NCALD: variants seen among roughly 807,000 people sequenced by gnomAD.
The protein encoded by NCALD is neurocalcin delta.
Under a neutral mutation model 18.6 loss-of-function variants are expected in NCALD, and 10 were observed. The ratio of observed to expected loss-of-function variants is 0.54; its 90% confidence interval spans 0.33 to 0.91. The LOEUF is 0.91. Ranked by LOEUF, NCALD falls within the 40% of genes least tolerant of loss-of-function variation. NCALD has a pLI of 0.03. For synonymous variants in NCALD, 88 were observed against 87.4 expected (o/e 1.01, Z -0.04); for missense variants, 184 against 247.6 (o/e 0.74, Z 1.72).
intron 4 of NCALD, among the ~76,000 whole-genome samples, chr8:101,811,237 A>G (rs1330831694): frequency 6.6e-6 from 1 of 152,204 alleles, no homozygotes; most frequent in African/African-American, 2.4e-5. Context: ...AGTGAACCCA[A>G]TGTAATCACA....
chr8:101,936,894 G>C (rs1355047359), intron 2 of NCALD, among the ~76,000 whole-genome samples: 2 of 152,012 alleles, frequency 1.3e-5, no homozygotes, highest in African/African-American at 4.8e-5. Context: ...TATCCTATCT[G>C]GGAAACTGAG....
At chr8:101,739,118 C>T (rs1398304320) in intron 1 of NCALD, among the ~76,000 whole-genome samples, 4 of 152,180 alleles carry the variant, frequency 2.6e-5, no homozygotes, top group East Asian at 1.9e-4. Context: ...CATATCTTCA[C>T]GGCTTGAATA....
chr8:101,770,544 A>C lies in NCALD; in HGVS notation c.-20+20318T>G, dbSNP rs181569179. ...ACTCCTGGGGGGGCTTCCTGCAAAGAAGAAGCAGGCTGGCAAGTAGTTGCT... is the reference window on the plus strand; with the variant it reads ...ACTCCTGGGGGGGCTTCCTGCAAAGCAGAAGCAGGCTGGCAAGTAGTTGCT... On this transcript the variant is annotated intron_variant, in intron 1 of 3. Transcript: ENST00000220931. Among the ~76,000 whole-genome samples, 122 of 152,336 alleles carry C rather than the reference A, an allele frequency of 8.0e-4. 2 individuals carry two copies. In the South Asian group the frequency reaches 9.1e-3, roughly 11 times the overall value.
chr8:102,011,818 T>A (rs1272391414), intron 2 of NCALD, among the ~76,000 whole-genome samples: 3 of 152,214 alleles, frequency 2.0e-5, no homozygotes, highest in African/African-American at 7.2e-5. Flanking sequence ...TTTAAGATCA[T>A]CCTTCCTGTT....
At chr8:101,945,494 T>A (rs1367212196) in intron 2 of NCALD, among the ~76,000 whole-genome samples, 1 of 152,204 alleles carries the variant, frequency 6.6e-6, no homozygotes, top group African/African-American at 2.4e-5. Context: ...TAGAACTTCA[T>A]CTCTATTTAA....
chr8:101,990,105 C>T (rs1436824209), intron 2 of NCALD, among the ~76,000 whole-genome samples: 1 of 152,156 alleles, frequency 6.6e-6, no homozygotes, highest in African/African-American at 2.4e-5. Flanking sequence ...AAAGGAGAAA[C>T]ATAACATCTT....
At chr8:102,115,563 C>T (rs1825758425) in intron 1 of NCALD, among the ~76,000 whole-genome samples, 1 of 152,182 alleles carries the variant, frequency 6.6e-6, no homozygotes, top group Non-Finnish European at 1.5e-5. Context: ...CAGGCCATTG[C>T]CAAAGCTACT....
intron 1 of NCALD, among the ~76,000 whole-genome samples, chr8:102,054,722 C>G (rs200257408): frequency 2.3e-5 from 2 of 88,588 alleles, no homozygotes; most frequent in African/African-American, 7.3e-5. Flanking sequence ...AGATAGATAT[C>G]CTATAGATAG....
chr8:101,922,043 A>C lies in NCALD; in HGVS notation c.-156-6185T>G, dbSNP rs1818184475. 2.0e-5 allele frequency among the ~76,000 whole-genome samples: 3 copies of C among 152,030 alleles called. No homozygotes were observed. In the South Asian group the frequency reaches 6.2e-4, roughly 32 times the overall value. Reference sequence around the variant, plus strand: ...ACTGTAACCTCCACCTCTGGGGTTCAAGCAATTCTCCTGCCTCAGCCTCTA... The same window carrying C: ...ACTGTAACCTCCACCTCTGGGGTTCCAGCAATTCTCCTGCCTCAGCCTCTA... On this transcript the variant is annotated intron_variant, in intron 2 of 6. Coordinates refer to the NCALD transcript ENST00000311028.
chr8:101,989,347 G>A (rs1820955471), intron 2 of NCALD, among the ~76,000 whole-genome samples: 1 of 152,084 alleles, frequency 6.6e-6, no homozygotes. Flanking sequence ...CCACAAAATT[G>A]TTTCTCACCC....
intron 2 of NCALD, among the ~76,000 whole-genome samples, chr8:101,707,427 C>T (rs1815579807): frequency 6.6e-6 from 1 of 152,180 alleles, no homozygotes; most frequent in Admixed American, 6.5e-5. Flanking sequence ...TGGCTACCCC[C>T]ATCCCCATAG....
chr8:101,930,372 A>G (rs1818528527), intron 2 of NCALD, among the ~76,000 whole-genome samples: 1 of 152,062 alleles, frequency 6.6e-6, no homozygotes, highest in African/African-American at 2.4e-5. Flanking sequence ...AATGCTACAG[A>G]GGGTAAGGGT....
intron 3 of NCALD, chr8:101,690,627 C>T: frequency 2.0e-6 from 2 of 985,438 alleles, no homozygotes; most frequent in Non-Finnish European, 2.4e-6. Flanking sequence ...CAACTCCCTC[C>T]CCGCCAGAAC....
chr8:101,718,908 T>G (rs1816215826), intron 2 of NCALD, among the ~76,000 whole-genome samples: 1 of 152,254 alleles, frequency 6.6e-6, no homozygotes, highest in Admixed American at 6.5e-5. Flanking sequence ...TTCATCTGTA[T>G]GGTAAAACCT....
At chr8:101,705,224 A>AAAATAAATAAATAAAT (rs548716899) in intron 2 of NCALD, among the ~76,000 whole-genome samples, 4 of 151,550 alleles carry the variant, frequency 2.6e-5, no homozygotes, top group East Asian at 1.9e-4. Context: ...ACTTCATCTC[A>AAAATAAATAAATAAAT]AAATAAATAA....
chr8:102,066,641 G>T (rs184103551), intron 1 of NCALD, among the ~76,000 whole-genome samples: 1 of 152,202 alleles, frequency 6.6e-6, no homozygotes, highest in African/African-American at 2.4e-5. Flanking sequence ...GGGAAAACCC[G>T]CAGCAAGGCA....
At chr8:101,706,163 A>G (rs1166606546) in intron 2 of NCALD, among the ~76,000 whole-genome samples, 1 of 152,206 alleles carries the variant, frequency 6.6e-6, no homozygotes, top group East Asian at 1.9e-4. Flanking sequence ...TTGAAATGAG[A>G]CAGTGGCAGA....
chr8:101,751,113 G>A (rs541041740), intron 1 of NCALD, among the ~76,000 whole-genome samples: 1 of 152,240 alleles, frequency 6.6e-6, no homozygotes, highest in African/African-American at 2.4e-5. Context: ...ACAGATGAAT[G>A]GATAAACAAA....
intron 2 of NCALD, among the ~76,000 whole-genome samples, chr8:102,008,917 T>TCCACAC (rs1821806105): frequency 5.2e-5 from 2 of 38,542 alleles, no homozygotes; most frequent in African/African-American, 1.3e-4. Context: ...CCCGCCCCCC[T>TCCACAC]ACACACACAC....
Sources: allele counts gnomAD v4.1 joint callset (sites outside exome capture counted in the v4.1 genomes callset), GRCh38; gene constraint gnomAD v4.1.1; transcripts MANE v1.5; gene names NCBI Gene and HGNC (gene_info 2026-07-23, HGNC 2026-07-21).